OSBPL6: variants seen among roughly 807,000 people sequenced by gnomAD.
OSBPL6 encodes the protein oxysterol binding protein like 6, also known as oxysterol-binding protein-related protein 6.
In OSBPL6, 49 loss-of-function variants were observed where a neutral mutation model predicts 125.8. The observed-to-expected ratio is 0.39, with a 90% CI of 0.31 to 0.49. The LOEUF is 0.49. Among genes scored for constraint, OSBPL6 ranks in the 20% least tolerant of loss-of-function variants. OSBPL6 has a pLI of 0.88. For synonymous variants in OSBPL6, 394 were observed against 391.8 expected, an observed-to-expected ratio of 1.01 and a Z score of -0.07; for missense variants, 986 against 1,135.4, an observed-to-expected ratio of 0.87 and a Z score of 1.89.
Position 178,291,004 on chromosome 2 carries a change from C to A in OSBPL6, c.-156+5883C>A, listed in dbSNP as rs182345301. Among the ~76,000 whole-genome samples the A allele has an allele frequency of 2.0e-3, 303 of 151,954 alleles. 2 individuals carry two copies. The highest frequency in any genetic ancestry group is 6.5e-3 in the African/African-American group (271 of 41,496). Reference sequence around the variant, plus strand: ...ATGTATTTACTTTATCCTTTGGGCACACAAAATAGTTTCAAATTAATAATT... The same window carrying A: ...ATGTATTTACTTTATCCTTTGGGCAAACAAAATAGTTTCAAATTAATAATT... On this transcript the variant is annotated intron_variant, in intron 2 of 24. Transcript: ENST00000190611.
chr2:178,375,597 T>G (rs1176882228), intron 15 of OSBPL6, among the ~76,000 whole-genome samples: 1 of 152,024 alleles, frequency 6.6e-6, no homozygotes, highest in Non-Finnish European at 1.5e-5. Context: ...TAATTTTGTT[T>G]TTTTTAGTAG....
intron 3 of OSBPL6, among the ~76,000 whole-genome samples, chr2:178,310,697 G>A (rs368391793): frequency 7.2e-5 from 11 of 152,102 alleles, no homozygotes; most frequent in Admixed American, 4.6e-4. Flanking sequence ...GATTACAGGC[G>A]TGAGCCACCG....
At chr2:178,331,719 G>A in intron 6 of OSBPL6, 114 bp downstream of exon 6, 2 of 1,109,584 alleles carry the variant, frequency 1.8e-6, no homozygotes, top group Non-Finnish European at 1.4e-6. Flanking sequence ...TGCATGTCTG[G>A]GCCTGTAAGA....
intron 3 of OSBPL6, among the ~76,000 whole-genome samples, chr2:178,308,595 C>A (rs7562824): frequency 6.6e-6 from 1 of 152,086 alleles, no homozygotes; most frequent in South Asian, 2.1e-4. Context: ...AATGATTGAG[C>A]ATTTCTACTT....
intron 2 of OSBPL6, among the ~76,000 whole-genome samples, chr2:178,304,596 A>G (rs191116380): frequency 8.8e-4 from 134 of 152,322 alleles, no homozygotes; most frequent in African/African-American, 2.9e-3. Flanking sequence ...AGCTGTTTAT[A>G]TAGTGGCACT....
chr2:178,390,937 C>T (rs1460932253), intron 21 of OSBPL6, 136 bp from the exon 22 acceptor site: 21 of 1,116,262 alleles, frequency 1.9e-5, no homozygotes, highest in South Asian at 1.3e-4. Context: ...CCATATAAAA[C>T]GTTTTGAGAT....
In OSBPL6 at chr2:178,324,255, G is replaced by T. The variant is rs1008196634; in HGVS notation, c.181G>T (p.Val61Phe). The change falls in exon 4 of 25, where the codon GTC becomes TTC. Residue 61 changes from valine to phenylalanine, a missense_variant. Around this residue, in one of 3 missense-constraint regions of OSBPL6, gnomAD observed 130 missense variants for 106.4 expected, o/e 1.22. Transcript: ENST00000190611. ...VSRQLLEPEP[V>F]PLSKEADSWE... The stretch of plus-strand genomic sequence containing the variant: ...TCGGCAATTGCTAGAACCGGAGCCA[G>T]TCCCCCTCTCCAAGGTCAGTGATGA... 3.2e-6 allele frequency: 5 copies of T among 1,570,590 alleles called. No homozygotes were observed. The highest frequency in any genetic ancestry group is 4.3e-6 in the Non-Finnish European group (5 of 1,151,526).
At chr2:178,351,580 G>A (rs566507582) in intron 12 of OSBPL6, among the ~76,000 whole-genome samples, 2 of 152,182 alleles carry the variant, frequency 1.3e-5, no homozygotes, top group Non-Finnish European at 2.9e-5. Context: ...AGAAATTAAA[G>A]AGGACACAAA....
rs749157920 is a variant in OSBPL6 at position 178,383,375 on chromosome 2, A to G, written c.1875+98A>G. ...TTATGATATATTTGGCATTTGCATA[A>G]TATTCTTACTGCATAGTAAAAGAGG... On this transcript the variant is annotated intron_variant, in intron 17 of 24. Coordinates refer to ENST00000190611, the MANE Select transcript of OSBPL6 (RefSeq NM_032523.4). 758 of 1,446,864 alleles carry G rather than the reference A, an allele frequency of 5.2e-4. 1 individual carries two copies. Among genetic ancestry groups the G allele is most frequent in the Non-Finnish European group, 6.3e-4 (694 of 1,094,610 alleles). 89.6% of individuals were successfully genotyped at this position (1,446,864 alleles called of 1,614,324 possible).
At chr2:178,216,097 TTC>T (rs1328898798) in intron 1 of OSBPL6, among the ~76,000 whole-genome samples, 1 of 152,218 alleles carries the variant, frequency 6.6e-6, no homozygotes, top group Non-Finnish European at 1.5e-5. Context: ...GTACCAAAGA[TTC>T]TTTTTTACAT....
chr2:178,317,910 C>A (rs1461707882), intron 3 of OSBPL6, among the ~76,000 whole-genome samples: 1 of 152,146 alleles, frequency 6.6e-6, no homozygotes, highest in African/African-American at 2.4e-5. Context: ...AGCGTTAGCT[C>A]TTGATATGCC....
chr2:178,311,442 T>C (rs1392207517), intron 3 of OSBPL6, among the ~76,000 whole-genome samples: 1 of 152,242 alleles, frequency 6.6e-6, no homozygotes, highest in Non-Finnish European at 1.5e-5. Flanking sequence ...TATTTGGTTT[T>C]GTATTTGTTT....
Position 178,394,371 on chromosome 2 carries a change from C to A in OSBPL6, c.2632C>A (p.Leu878Ile). Residue 878 changes from leucine to isoleucine, a missense_variant, in exon 24 of 25, where the codon CTC (leucine) becomes ATC (isoleucine). By Grantham distance (5) the Leu-to-Ile change is conservative. Coordinates refer to ENST00000190611, the MANE Select transcript of OSBPL6 (RefSeq NM_032523.4). The part of the protein sequence containing the change: ...AASEKQRVEE[L>I]QRSRRRYMEE... The stretch of plus-strand genomic sequence containing the variant: ...ATCAGAGAAGCAAAGAGTAGAGGAA[C>A]TCCAGAGATCTCGGAGACGATATAT... 1 of 1,613,414 alleles carries A rather than the reference C, an allele frequency of 6.2e-7. No homozygotes were observed. Among genetic ancestry groups the A allele is most frequent in the Non-Finnish European group, 8.5e-7 (1 of 1,179,684 alleles).
At chr2:178,194,829 C>T (rs2088763224) in intron 1 of OSBPL6, among the ~76,000 whole-genome samples, 155 bp downstream of exon 1, 1 of 152,144 alleles carries the variant, frequency 6.6e-6, no homozygotes. Flanking sequence ...TCGCCGTCCC[C>T]CTGGAGGCGC....
chr2:178,392,533 T>C lies in OSBPL6; in HGVS notation c.2568T>C (p.Asp856=). The C allele has an allele frequency of 6.2e-7, 1 of 1,613,902 alleles. No individual in the cohort carries two copies. Among genetic ancestry groups the C allele is most frequent in the Non-Finnish European group, 8.5e-7 (1 of 1,179,942 alleles). ...LPPTDARFRP[D]QRFLEEGNLE... Reference sequence around the variant, plus strand: ...CAACAGACGCCCGGTTCCGGCCAGATCAAAGGTGAGGATGGCAGTGGTATT... The same window carrying C: ...CAACAGACGCCCGGTTCCGGCCAGACCAAAGGTGAGGATGGCAGTGGTATT... The change falls in exon 23 of 25, where the codon GAT becomes GAC. Residue 856 remains aspartate (D), a synonymous_variant. Coordinates refer to ENST00000190611, the MANE Select transcript of OSBPL6 (RefSeq NM_032523.4).
intron 12 of OSBPL6, among the ~76,000 whole-genome samples, chr2:178,351,442 G>A (rs1018864523): frequency 6.6e-6 from 1 of 151,422 alleles, no homozygotes; most frequent in Non-Finnish European, 1.5e-5. Flanking sequence ...TTCTATACAC[G>A]AATAACAACA....
chr2:178,331,568 A>T lies in OSBPL6; in HGVS notation c.335A>T (p.Asp112Val), dbSNP rs1689198158. 1 of 1,614,038 alleles carries T rather than the reference A, an allele frequency of 6.2e-7. No homozygotes were observed. Among genetic ancestry groups the T allele is most frequent in the South Asian group, 1.1e-5 (1 of 91,090 alleles). The change falls in exon 6 of 25, where the codon GAT becomes GTT. Residue 112 changes from aspartate to valine, a missense_variant. Physicochemically the swap from Asp to Val is radical, Grantham distance 152 (BLOSUM62 -3). This residue lies in a region of OSBPL6 where 13 missense variants were observed against 31.7 expected (regional missense o/e 0.41). Coordinates refer to ENST00000190611, the MANE Select transcript of OSBPL6 (RefSeq NM_032523.4). ...KGWHKRFFVL[D>V]NGMLKYSKAP... ...TTCTTGCAGCGTTTTTTTGTCCTGG[A>T]TAATGGAATGTTAAAGTATTCAAAG...
chr2:178,391,297 C>T, intron 22 of OSBPL6, 80 bp downstream of exon 22: 1 of 1,394,076 alleles, frequency 7.2e-7, no homozygotes, highest in East Asian at 2.5e-5. Context: ...TCATCTTATG[C>T]AACTCACATT....
At chr2:178,261,269 C>A (rs769227368) in intron 1 of OSBPL6, among the ~76,000 whole-genome samples, 5 of 151,624 alleles carry the variant, frequency 3.3e-5, no homozygotes, top group Non-Finnish European at 7.4e-5. Flanking sequence ...TTGAGGAATT[C>A]TTGATTGGGA....
Sources: allele counts gnomAD v4.1 joint callset (sites outside exome capture counted in the v4.1 genomes callset), GRCh38; gene constraint gnomAD v4.1.1; regional missense constraint gnomAD v4.1.1; transcripts MANE v1.5; gene names NCBI Gene and HGNC (gene_info 2026-07-23, HGNC 2026-07-21).